The following CTNNA3 variants were observed in gnomAD, a reference collection of about 807,000 sequenced individuals.
CTNNA3 encodes catenin alpha 3, also known as catenin alpha-3.
A neutral mutation model predicts 95.7 loss-of-function variants in CTNNA3; 76 were observed. That is an observed-to-expected ratio of 0.79 (90% CI 0.66 to 0.96). The LOEUF (loss-of-function observed/expected upper bound fraction) is 0.96. Ranked by LOEUF, CTNNA3 falls within the 40% of genes least tolerant of loss-of-function variation. The probability of loss-of-function intolerance (pLI) is 0.00; values close to 1 mark genes in which losing one functional copy is unlikely to be tolerated. For missense variants in CTNNA3, 1,191 were observed against 1,089.8 expected (o/e 1.09, Z -1.31); for synonymous variants, 431 against 374.4 (o/e 1.15, Z -1.74).
intron 3 of CTNNA3, among the ~76,000 whole-genome samples, chr10:67,590,984 G>A (rs146527633): frequency 4.7e-4 from 71 of 151,794 alleles, no homozygotes; most frequent in African/African-American, 1.0e-3. Flanking sequence ...CTCCCAAAGC[G>A]TAAAAAAAAA....
At chr10:67,225,533 G>A (rs1335855355) in intron 5 of CTNNA3, among the ~76,000 whole-genome samples, 3 of 152,254 alleles carry the variant, frequency 2.0e-5, no homozygotes, top group Middle Eastern at 3.4e-3. Context: ...AGCCATATAT[G>A]GTTCACATCA....
At chr10:67,695,135 A>G (rs1840939279) in intron 1 of CTNNA3, among the ~76,000 whole-genome samples, 1 of 152,232 alleles carries the variant, frequency 6.6e-6, no homozygotes, top group Admixed American at 6.5e-5. Flanking sequence ...AAAGCTAGCC[A>G]CAAACCCAGA....
In CTNNA3 at chr10:65,918,056, C is replaced by A. The variant is rs1340828646; in HGVS notation, c.*2274G>T. On this transcript the variant is annotated 3_prime_UTR_variant, in exon 18 of 18. Transcript: ENST00000433211. ...TATTGTTTTATTTAATTATAGTTTG[C>A]TTTGAGCTAAGCTGAAAATCTGCCT... is the stretch of plus-strand genomic sequence containing the variant. 6.6e-6 allele frequency: 1 copy of A among 152,052 alleles called. No individual in the cohort carries two copies. Among genetic ancestry groups the A allele is most frequent in the Non-Finnish European group, 1.5e-5 (1 of 68,004 alleles). 9.4% of individuals were successfully genotyped at this position (152,052 alleles called of 1,614,324 possible).
chr10:67,052,081 T>C (rs1452543135), intron 7 of CTNNA3, among the ~76,000 whole-genome samples: 2 of 152,140 alleles, frequency 1.3e-5, no homozygotes, highest in Non-Finnish European at 2.9e-5. Flanking sequence ...AAATGGGATT[T>C]TGTTTGGAGG....
At chr10:67,004,751 G>A (rs1474535172) in intron 7 of CTNNA3, among the ~76,000 whole-genome samples, 1 of 152,058 alleles carries the variant, frequency 6.6e-6, no homozygotes, top group Admixed American at 6.6e-5. Flanking sequence ...TCAATTATTT[G>A]CTATTCATTA....
intron 13 of CTNNA3, among the ~76,000 whole-genome samples, chr10:66,191,681 C>G (rs2086674724): frequency 6.6e-6 from 1 of 151,652 alleles, no homozygotes; most frequent in Admixed American, 6.6e-5. Context: ...CCTAGACACT[C>G]AGATTCTGAG....
intron 15 of CTNNA3, among the ~76,000 whole-genome samples, chr10:66,059,565 C>T (rs185974260): frequency 8.0e-4 from 121 of 152,128 alleles, no homozygotes; most frequent in African/African-American, 2.8e-3. Context: ...ATATCTTTTT[C>T]TTTCCCTGTC....
intron 7 of CTNNA3, among the ~76,000 whole-genome samples, chr10:67,093,206 A>T (rs1458923538): frequency 7.2e-5 from 11 of 151,980 alleles, no homozygotes; most frequent in Admixed American, 3.9e-4. Context: ...GGAGAAGCAA[A>T]TGCCTTATTA....
chr10:66,114,126 T>C (rs997584290), intron 13 of CTNNA3, among the ~76,000 whole-genome samples: 1 of 152,164 alleles, frequency 6.6e-6, no homozygotes, highest in Admixed American at 6.5e-5. Flanking sequence ...TCCAATTTAT[T>C]TTAGTGAGGA....
chr10:66,392,526 A>G (rs2092942451), intron 11 of CTNNA3, among the ~76,000 whole-genome samples: 1 of 152,138 alleles, frequency 6.6e-6, no homozygotes, highest in Non-Finnish European at 1.5e-5. Context: ...AGGATGTACA[A>G]ATAATTCTTA....
At chr10:67,262,950 T>C (rs551558168) in intron 5 of CTNNA3, among the ~76,000 whole-genome samples, 34 of 152,212 alleles carry the variant, frequency 2.2e-4, no homozygotes, top group African/African-American at 7.9e-4. Flanking sequence ...TGAGAAAATA[T>C]TTAAAAAGGA....
chr10:66,335,725 C>A lies in CTNNA3; in HGVS notation c.1732+43427G>T, dbSNP rs541752373. Among the ~76,000 whole-genome samples, 797 of 149,504 alleles carry A rather than the reference C, an allele frequency of 5.3e-3. 8 individuals are homozygous for A. Among genetic ancestry groups the A allele is most frequent in the Middle Eastern group, 0.014 (4 of 292 alleles). ...CTGTCCGTTCTCAGATCTCCAGCTG[C>A]GTGCTGGGAGAACCACTACTCTCTT... On this transcript the variant is annotated intron_variant, in intron 12 of 17. Transcript: ENST00000433211.
intron 10 of CTNNA3, among the ~76,000 whole-genome samples, chr10:66,586,187 C>T (rs1298251376): frequency 6.6e-6 from 1 of 152,006 alleles, no homozygotes. Flanking sequence ...TGGTGTGCAC[C>T]TTTAAAAGTT....
chr10:66,298,962 GT>G (rs1325928952), intron 12 of CTNNA3, among the ~76,000 whole-genome samples: 1 of 152,138 alleles, frequency 6.6e-6, no homozygotes, highest in African/African-American at 2.4e-5. Context: ...TCTACTTGAA[GT>G]CATCCCTCTG....
intron 7 of CTNNA3, among the ~76,000 whole-genome samples, chr10:66,969,582 C>G (rs936990119): frequency 6.6e-6 from 1 of 152,094 alleles, no homozygotes; most frequent in East Asian, 1.9e-4. Flanking sequence ...CATAACACCA[C>G]ACTGTTTTCA....
chr10:66,757,267 T>G (rs542623673), intron 9 of CTNNA3, among the ~76,000 whole-genome samples: 4 of 152,238 alleles, frequency 2.6e-5, no homozygotes, highest in African/African-American at 9.6e-5. Context: ...GGCTGAGTGA[T>G]AGGGAGTGGC....
intron 12 of CTNNA3, among the ~76,000 whole-genome samples, chr10:66,319,445 T>A (rs1442999212): frequency 4.6e-5 from 7 of 152,088 alleles, no homozygotes; most frequent in African/African-American, 1.7e-4. Context: ...TACGTAGAAG[T>A]CCTTGGGTAG....
intron 11 of CTNNA3, among the ~76,000 whole-genome samples, chr10:66,434,702 G>A (rs112972280): frequency 0.011 from 1,662 of 152,290 alleles, 37 homozygotes; most frequent in African/African-American, 0.038. Flanking sequence ...AGTAGTGAGA[G>A]AGGGCATCCT....
At chr10:66,201,238 T>C (rs2087385542) in intron 13 of CTNNA3, among the ~76,000 whole-genome samples, 1 of 152,204 alleles carries the variant, frequency 6.6e-6, no homozygotes, top group Non-Finnish European at 1.5e-5. Context: ...CATTATTACC[T>C]TCACTAACTG....
Sources: allele counts gnomAD v4.1 joint callset (sites outside exome capture counted in the v4.1 genomes callset), GRCh38; gene constraint gnomAD v4.1.1; transcripts MANE v1.5; gene names NCBI Gene and HGNC (gene_info 2026-07-23, HGNC 2026-07-21).